ABHD17C: variants seen among roughly 807,000 people sequenced by gnomAD.
ABHD17C encodes the protein alpha/beta hydrolase domain-containing protein 17C.
In ABHD17C, 11 loss-of-function variants were observed where a neutral mutation model predicts 27.9. The ratio of observed to expected loss-of-function variants is 0.39; its 90% confidence interval spans 0.25 to 0.65. The LOEUF (loss-of-function observed/expected upper bound fraction) is 0.65, where lower values mean the gene tolerates loss of function less well. Ranked by LOEUF, ABHD17C falls within the 30% of genes least tolerant of loss-of-function variation. The pLI is 0.45. For synonymous variants in ABHD17C, 233 were observed against 209.1 expected, an observed-to-expected ratio of 1.11 and a Z score of -0.98; for missense variants, 280 against 470.2, an observed-to-expected ratio of 0.60 and a Z score of 3.74.
intron 1 of ABHD17C, among the ~76,000 whole-genome samples, chr15:80,713,808 CA>C (rs949688714): frequency 6.7e-6 from 1 of 149,452 alleles, no homozygotes; most frequent in African/African-American, 2.5e-5. Flanking sequence ...GATTCCGTCT[CA>C]AAAAAAAGCA....
At chr15:80,748,818 G>C (rs117636496) in intron 1 of ABHD17C, among the ~76,000 whole-genome samples, 1 of 151,242 alleles carries the variant, frequency 6.6e-6, no homozygotes, top group African/African-American at 2.4e-5. Flanking sequence ...GAGGTTGCTC[G>C]TGTCACTTCT....
chr15:80,745,877 C>G (rs113324492), intron 1 of ABHD17C, among the ~76,000 whole-genome samples: 1 of 152,186 alleles, frequency 6.6e-6, no homozygotes, highest in Non-Finnish European at 1.5e-5. Context: ...TACCTTAGGG[C>G]TGTCTCTGTG....
intron 1 of ABHD17C, among the ~76,000 whole-genome samples, chr15:80,719,660 T>C (rs964179459): frequency 5.3e-5 from 8 of 152,230 alleles, no homozygotes; most frequent in Admixed American, 1.3e-4. Flanking sequence ...CATTCAAAGA[T>C]CATGTTTTGT....
chr15:80,736,129 A>G (rs1248558636), intron 1 of ABHD17C, among the ~76,000 whole-genome samples: 1 of 152,230 alleles, frequency 6.6e-6, no homozygotes, highest in African/African-American at 2.4e-5. Context: ...TTAAATTTTT[A>G]TCCACATAGC....
At chr15:80,717,357 C>A (rs986808208) in intron 1 of ABHD17C, among the ~76,000 whole-genome samples, 2 of 149,436 alleles carry the variant, frequency 1.3e-5, no homozygotes, top group Non-Finnish European at 3.0e-5. Flanking sequence ...TGAGCACTTT[C>A]ATTTTTTTCT....
chr15:80,713,796 G>A (rs1047709569), intron 1 of ABHD17C, among the ~76,000 whole-genome samples: 4 of 151,618 alleles, frequency 2.6e-5, no homozygotes, highest in Non-Finnish European at 5.9e-5. Flanking sequence ...GTGACAGAGC[G>A]AGATTCCGTC....
chr15:80,753,505 T>A (rs1222829310), intron 2 of ABHD17C, among the ~76,000 whole-genome samples: 1 of 152,202 alleles, frequency 6.6e-6, no homozygotes, highest in Non-Finnish European at 1.5e-5. Flanking sequence ...CAGGAGTATG[T>A]CAGGGCACTG....
At chr15:80,736,926 G>T (rs1231827860) in intron 1 of ABHD17C, among the ~76,000 whole-genome samples, 1 of 152,170 alleles carries the variant, frequency 6.6e-6, no homozygotes, top group Non-Finnish European at 1.5e-5. Flanking sequence ...CCATCTCCTT[G>T]GCGCTGTCAG....
At chr15:80,743,372 G>A (rs1351511416) in intron 1 of ABHD17C, among the ~76,000 whole-genome samples, 3 of 152,088 alleles carry the variant, frequency 2.0e-5, no homozygotes, top group Non-Finnish European at 4.4e-5. Context: ...TTAGGGAGCA[G>A]GAATGTTTAC....
chr15:80,729,342 T>C (rs892250895), intron 1 of ABHD17C, among the ~76,000 whole-genome samples: 3 of 152,202 alleles, frequency 2.0e-5, no homozygotes, highest in Admixed American at 2.0e-4. Context: ...CAAGAACTAG[T>C]GAATATGAAA....
chr15:80,700,046 A>G (rs1173654137), intron 1 of ABHD17C, among the ~76,000 whole-genome samples: 2 of 152,202 alleles, frequency 1.3e-5, no homozygotes, highest in Non-Finnish European at 2.9e-5. Context: ...ATTGGAGTGT[A>G]TTGTTGTCAC....
At chr15:80,733,049 C>G (rs1895078341) in intron 1 of ABHD17C, among the ~76,000 whole-genome samples, 1 of 152,116 alleles carries the variant, frequency 6.6e-6, no homozygotes. Context: ...TGCAGCAGTC[C>G]CAGAGGCAAG....
At chr15:80,724,609 C>T (rs1032829476) in intron 1 of ABHD17C, among the ~76,000 whole-genome samples, 5 of 152,084 alleles carry the variant, frequency 3.3e-5, no homozygotes, top group Non-Finnish European at 7.4e-5. Flanking sequence ...AATAGAGCCA[C>T]AAATAAGGTT....
Position 80,695,912 on chromosome 15 carries a change from C to T in ABHD17C, c.483C>T (p.Cys161=), listed in dbSNP as rs1894487832. 3 of 1,597,382 alleles carry T rather than the reference C, an allele frequency of 1.9e-6. No individual in the cohort carries two copies. Among genetic ancestry groups the T allele is most frequent in the African/African-American group, 2.7e-5 (2 of 74,914 alleles). Residue 161 remains cysteine (C), a synonymous_variant, in exon 1 of 3, where the codon TGC becomes TGT. Transcript: ENST00000258884. The surrounding 1 kb of genome is among the most constrained non-coding windows in gnomAD (Gnocchi z 4.3). ...FYIGLGSRIN[C]NIFSYDYSGY... ...TTGGCCTCGGCTCCCGCATCAACTG[C>T]AACATCTTCTCCTACGACTACTCGG...
chr15:80,751,377 A>G (rs911433568), intron 2 of ABHD17C, among the ~76,000 whole-genome samples: 8 of 151,954 alleles, frequency 5.3e-5, no homozygotes, highest in African/African-American at 1.7e-4. Flanking sequence ...AAAAAAAAAG[A>G]TGTTTGTTCA....
intron 2 of ABHD17C, 68 bp downstream of exon 2, chr15:80,749,760 A>T: frequency 2.0e-6 from 3 of 1,515,878 alleles, no homozygotes; most frequent in Non-Finnish European, 2.7e-6. Flanking sequence ...ATGCTCCCAT[A>T]AATATCTGTG....
intron 1 of ABHD17C, among the ~76,000 whole-genome samples, chr15:80,739,628 G>A (rs192183096): frequency 2.0e-5 from 3 of 152,218 alleles, no homozygotes; most frequent in Admixed American, 6.5e-5. Flanking sequence ...CATGTGACAC[G>A]CTGCGTCCCC....
chr15:80,713,838 C>T (rs576701489), intron 1 of ABHD17C, among the ~76,000 whole-genome samples: 1 of 151,364 alleles, frequency 6.6e-6, no homozygotes, highest in African/African-American at 2.4e-5. Flanking sequence ...CATTGAGGTA[C>T]ACAGCTGTAT....
At chr15:80,742,269 G>T (rs1256913203) in intron 1 of ABHD17C, among the ~76,000 whole-genome samples, 2 of 152,136 alleles carry the variant, frequency 1.3e-5, no homozygotes, top group Non-Finnish European at 2.9e-5. Flanking sequence ...CAGTCCAAAG[G>T]CCTGAGGACC....
Sources: allele counts gnomAD v4.1 joint callset (sites outside exome capture counted in the v4.1 genomes callset), GRCh38; gene constraint gnomAD v4.1.1; non-coding constraint Gnocchi (gnomAD v3.1); transcripts MANE v1.5; gene names NCBI Gene and HGNC (gene_info 2026-07-23, HGNC 2026-07-21).